The following NRXN1 variants were observed in gnomAD, a reference collection of about 807,000 sequenced individuals.
The protein encoded by NRXN1 is neurexin-1.
NRXN1 carries 39 observed loss-of-function variants against 150.9 expected under a neutral mutation model. The ratio of observed to expected loss-of-function variants is 0.26; its 90% CI spans 0.20 to 0.34. The LOEUF (loss-of-function observed/expected upper bound fraction) is 0.34. Ranked by LOEUF, NRXN1 falls within the 10% of genes least tolerant of loss-of-function variation. The pLI is 1.00. For synonymous variants in NRXN1, 924 were observed against 757.0 expected (o/e 1.22, Z -3.62); for missense variants, 1,815 against 1,949.9 (o/e 0.93, Z 1.30).
At chr2:50,916,325 T>C (rs1464751697) in intron 5 of NRXN1, among the ~76,000 whole-genome samples, 1 of 151,282 alleles carries the variant, frequency 6.6e-6, no homozygotes, top group African/African-American at 2.4e-5. Flanking sequence ...CTAATATTCT[T>C]CTCTGCTCCA....
At chr2:51,009,217 A>G in intron 2 of NRXN1, 1 of 151,764 alleles carries the variant, frequency 6.6e-6, no homozygotes, top group Non-Finnish European at 1.5e-5. Context: ...TGCTTTCTGC[A>G]TTTCTCTATA....
chr2:49,935,977 C>T (rs918574595), intron 22 of NRXN1, among the ~76,000 whole-genome samples: 4 of 152,256 alleles, frequency 2.6e-5, no homozygotes, highest in South Asian at 4.1e-4. Flanking sequence ...ATGTGCCATA[C>T]TGTTAAAAGG....
chr2:49,955,854 T>C (rs1674846594), intron 21 of NRXN1, among the ~76,000 whole-genome samples: 1 of 152,124 alleles, frequency 6.6e-6, no homozygotes, highest in South Asian at 2.1e-4. Flanking sequence ...ATCAAATCTA[T>C]ATCTACTGAT....
intron 17 of NRXN1, among the ~76,000 whole-genome samples, chr2:50,252,309 G>C (rs1392125107): frequency 7.8e-6 from 1 of 128,126 alleles, no homozygotes; most frequent in African/African-American, 3.1e-5. Context: ...ACCCAGGCTG[G>C]AATGCAGTGC....
intron 18 of NRXN1, among the ~76,000 whole-genome samples, chr2:50,135,020 G>C (rs951481464): frequency 1.3e-5 from 2 of 152,102 alleles, no homozygotes; most frequent in Non-Finnish European, 2.9e-5. Context: ...GAGTGTTTCA[G>C]ACAAGAAAGC....
chr2:50,844,194 C>G (rs973386270), intron 5 of NRXN1, among the ~76,000 whole-genome samples: 1 of 152,172 alleles, frequency 6.6e-6, no homozygotes, highest in Non-Finnish European at 1.5e-5. Context: ...AATTTATCTC[C>G]TAGCACATAA....
At chr2:50,534,988 T>C (rs985929507) in intron 10 of NRXN1, among the ~76,000 whole-genome samples, 1 of 152,168 alleles carries the variant, frequency 6.6e-6, no homozygotes, top group Non-Finnish European at 1.5e-5. Flanking sequence ...CATAGTAAAG[T>C]AATAAAACTA....
intron 19 of NRXN1, among the ~76,000 whole-genome samples, chr2:50,082,695 C>T (rs1349838977): frequency 1.3e-5 from 2 of 152,066 alleles, no homozygotes; most frequent in Non-Finnish European, 2.9e-5. Flanking sequence ...GCTTCAAATA[C>T]GTAGGAAACT....
At chr2:50,017,734 T>G (rs1686898139) in intron 21 of NRXN1, among the ~76,000 whole-genome samples, 1 of 151,148 alleles carries the variant, frequency 6.6e-6, no homozygotes, top group Non-Finnish European at 1.5e-5. Flanking sequence ...ACTCATCAAT[T>G]CATACAGACC....
chr2:50,559,956 A>G (rs545475880), intron 8 of NRXN1, among the ~76,000 whole-genome samples: 2 of 152,344 alleles, frequency 1.3e-5, no homozygotes, highest in African/African-American at 4.8e-5. Flanking sequence ...GCTTTCCACA[A>G]AAAACAACTG....
intron 17 of NRXN1, among the ~76,000 whole-genome samples, chr2:50,278,217 C>G (rs1313730221): frequency 1.3e-5 from 1 of 79,450 alleles, no homozygotes; most frequent in Non-Finnish European, 2.7e-5. Context: ...CACCCACCAC[C>G]ACACCTGGCT....
chr2:51,020,526 A>G (rs1669439032), intron 2 of NRXN1, among the ~76,000 whole-genome samples: 1 of 151,998 alleles, frequency 6.6e-6, no homozygotes, highest in South Asian at 2.1e-4. Context: ...TTATAATACT[A>G]TTAGCATTCA....
intron 5 of NRXN1, among the ~76,000 whole-genome samples, chr2:50,633,985 G>A (rs1682815983): frequency 6.6e-6 from 1 of 152,126 alleles, no homozygotes; most frequent in Admixed American, 6.5e-5. Flanking sequence ...ACCACTTGTG[G>A]GAAGATCTGG....
intron 5 of NRXN1, among the ~76,000 whole-genome samples, chr2:50,809,854 G>A (rs1284788373): frequency 2.0e-5 from 3 of 152,154 alleles, no homozygotes; most frequent in Non-Finnish European, 2.9e-5. Flanking sequence ...CTCTCTGAAG[G>A]AGAAATCATC....
At chr2:49,954,714 A>G (rs567315780) in intron 21 of NRXN1, among the ~76,000 whole-genome samples, 30 of 152,310 alleles carry the variant, frequency 2.0e-4, no homozygotes, top group Non-Finnish European at 2.9e-4. Context: ...CGGATTAATA[A>G]TATGCTTATC....
chr2:50,058,348 G>A (rs923391382), intron 19 of NRXN1, among the ~76,000 whole-genome samples: 9 of 152,008 alleles, frequency 5.9e-5, no homozygotes, highest in African/African-American at 2.2e-4. Context: ...CACACAAGGG[G>A]GTCATATCTT....
At chr2:50,168,002 T>C (rs1304916890) in intron 18 of NRXN1, among the ~76,000 whole-genome samples, 1 of 151,738 alleles carries the variant, frequency 6.6e-6, no homozygotes, top group African/African-American at 2.4e-5. Context: ...AGAACAATGC[T>C]TTTATTTCAA....
At chr2:50,855,211 A>C (rs1675098122) in intron 5 of NRXN1, among the ~76,000 whole-genome samples, 1 of 151,994 alleles carries the variant, frequency 6.6e-6, no homozygotes. Context: ...TTATTACTTC[A>C]AGTAGACTTC....
At position 51,027,668 on chromosome 2, in the gene NRXN1, C is replaced by A. The variant is rs2105328216; in HGVS notation, c.606G>T (p.Val202=). Reference sequence around the variant, plus strand: ...TGTTGGGCGGCTCATCGTCCAGCTTCACCTCGCCGCTGTCCACGGGCAGGA... The same window carrying A: ...TGTTGGGCGGCTCATCGTCCAGCTTAACCTCGCCGCTGTCCACGGGCAGGA... ...SQVLPVDSGE[V]KLDDEPPNSG... The change falls in exon 2 of 23, where the codon GTG becomes GTT. Residue 202 remains valine, a synonymous_variant. Transcript: ENST00000401669. 2 of 1,602,534 alleles carry A rather than the reference C, an allele frequency of 1.2e-6. No homozygotes were observed. The highest frequency in any genetic ancestry group is 1.7e-6 in the Non-Finnish European group (2 of 1,174,696).
Sources: gnomAD v4.1 joint callset for allele counts (sites outside exome capture counted in the v4.1 genomes callset) on GRCh38, gnomAD v4.1.1 for gene constraint, MANE v1.5 for transcripts, NCBI Gene and HGNC (gene_info 2026-07-23, HGNC 2026-07-21) for gene names.